The following CLIC5 variants were observed in gnomAD, a reference collection of about 807,000 sequenced individuals.
CLIC5 encodes chloride intracellular channel protein 5.
In CLIC5, 20 loss-of-function variants were observed where a neutral mutation model predicts 24.7. The observed-to-expected ratio is 0.81, with a 90% CI of 0.57 to 1.18. CLIC5 has a LOEUF of 1.18. Among genes scored for constraint, CLIC5 ranks in the 50% most tolerant of loss-of-function variants. CLIC5 has a pLI of 0.00. For missense variants in CLIC5, 341 were observed against 326.1 expected (o/e 1.05, Z -0.35); for synonymous variants, 159 against 135.6 (o/e 1.17, Z -1.20).
intron 2 of CLIC5, among the ~76,000 whole-genome samples, chr6:45,952,223 C>G (rs1414245104): frequency 2.0e-5 from 3 of 152,190 alleles, no homozygotes; most frequent in Admixed American, 6.5e-5. Context: ...GCCACCGACG[C>G]TTAGCTAGAG....
rs180983708 is a variant in CLIC5 at position 45,990,134 on chromosome 6, A to C, written c.63+25346T>G. Reference sequence around the variant, plus strand: ...GGTTGTTAGGACAATTAAATTATATAATTATTCAAATATTCTTTTTAGGCT... The same window carrying C: ...GGTTGTTAGGACAATTAAATTATATCATTATTCAAATATTCTTTTTAGGCT... On this transcript the variant is annotated intron_variant, in intron 1 of 5. Transcript: ENST00000339561. 9.1e-4 allele frequency among the ~76,000 whole-genome samples: 139 copies of C among 152,294 alleles called. 1 individual carries two copies. Among genetic ancestry groups the C allele is most frequent in the Non-Finnish European group, 1.7e-3 (113 of 68,030 alleles).
chr6:46,100,622 T>C, the CLIC5 span, among the ~76,000 whole-genome samples: 1 of 152,342 alleles, frequency 6.6e-6, no homozygotes, highest in Non-Finnish European at 1.5e-5. Context: ...ATGAACATCA[T>C]TGTATTCTAA....
intron 1 of CLIC5, among the ~76,000 whole-genome samples, chr6:45,994,217 A>T (rs2894658): frequency 0.59 from 89,470 of 151,732 alleles, 26,720 homozygotes; most frequent in East Asian, 0.77. Flanking sequence ...GTAGTGAATG[A>T]CATGAGTATT....
chr6:46,096,671 C>A, the CLIC5 span, among the ~76,000 whole-genome samples: 1 of 152,202 alleles, frequency 6.6e-6, no homozygotes, highest in African/African-American at 2.4e-5. Flanking sequence ...TGGCTGCAAG[C>A]TGCTTCTGGT....
chr6:45,994,568 T>C (rs551959135), intron 1 of CLIC5, among the ~76,000 whole-genome samples: 1 of 152,048 alleles, frequency 6.6e-6, no homozygotes, highest in Non-Finnish European at 1.5e-5. Flanking sequence ...TGTATACCTA[T>C]GGAACAAACC....
At chr6:46,040,316 T>G (rs1464035272) in intron 1 of CLIC5, among the ~76,000 whole-genome samples, 2 of 152,144 alleles carry the variant, frequency 1.3e-5, no homozygotes, top group Admixed American at 1.3e-4. Context: ...TTGTTGCTCA[T>G]AGTGTTAATA....
upstream of CLIC5, among the ~76,000 whole-genome samples, chr6:46,085,092 A>G (rs201242385): frequency 1.8e-4 from 27 of 147,874 alleles, no homozygotes; most frequent in South Asian, 8.6e-4. Flanking sequence ...TGCATTCTTC[A>G]CGTAGTTCTG....
chr6:45,914,654 A>G lies in CLIC5; in HGVS notation c.407-245T>C, dbSNP rs141560307. The G allele has an allele frequency of 1.6e-3, 991 of 637,374 alleles. 7 individuals are homozygous for G. In the African/African-American group the frequency reaches 0.017, roughly 11 times the overall value. 39.5% of individuals were successfully genotyped at this position (637,374 alleles called of 1,614,324 possible). A position where few individuals can be genotyped will look rare whatever the true frequency, so the allele number is the denominator to read the frequency against. On this transcript the variant is annotated intron_variant, in intron 4 of 5. Coordinates refer to ENST00000339561, the MANE Select transcript of CLIC5 (RefSeq NM_016929.5). Reference sequence around the variant, plus strand: ...TAATCTTTTGCTTTGAAAAAAATACATAAATATAGAAACACAGTCTGGGTG... The same window carrying G: ...TAATCTTTTGCTTTGAAAAAAATACGTAAATATAGAAACACAGTCTGGGTG...
chr6:46,064,606 G>C (rs9369595), intron 1 of CLIC5, among the ~76,000 whole-genome samples: 58,950 of 151,886 alleles, frequency 0.39, 11,639 homozygotes, highest in East Asian at 0.62. Context: ...CAAAATTGTA[G>C]CAAGTCAAAT....
intron 6 of CLIC5, among the ~76,000 whole-genome samples, chr6:45,885,050 C>T (rs562350881): frequency 5.7e-5 from 8 of 140,032 alleles, no homozygotes; most frequent in South Asian, 2.4e-4. Flanking sequence ...TGAGAGACTC[C>T]CCACCCTACC....
chr6:45,941,549 G>C lies in CLIC5; in HGVS notation c.404C>G (p.Ala135Gly), dbSNP rs1449563489. 6.2e-7 allele frequency: 1 copy of C among 1,609,598 alleles called. No individual in the cohort carries two copies. Among genetic ancestry groups the C allele is most frequent in the African/African-American group, 1.3e-5 (1 of 74,808 alleles). The change falls in exon 4 of 6, where the codon GCT becomes GGT. Residue 135 changes from alanine (A) to glycine (G), a missense_variant and splice_region_variant. Physicochemically the swap from Ala to Gly is moderately conservative, Grantham distance 60. Coordinates refer to ENST00000339561, the MANE Select transcript of CLIC5 (RefSeq NM_016929.5). ...YIKNTKQQNN[A>G]ALERGLTKAL... ...CTTGGTGGAAGGGAGTCACTCACCA[G>C]CATTGTTCTGCTGCTTGGTATTTTT...
chr6:46,030,821 C>T (rs1162663325), intron 1 of CLIC5, among the ~76,000 whole-genome samples: 1 of 152,226 alleles, frequency 6.6e-6, no homozygotes, highest in Non-Finnish European at 1.5e-5. Flanking sequence ...GTGCAAACCT[C>T]TACTCTTGCT....
At chr6:45,918,453 A>G (rs1482685956) in intron 4 of CLIC5, among the ~76,000 whole-genome samples, 1 of 152,254 alleles carries the variant, frequency 6.6e-6, no homozygotes, top group South Asian at 2.1e-4. Context: ...AACTCAGTGC[A>G]GCACAGGTCC....
At chr6:46,116,746 G>A in the CLIC5 span, among the ~76,000 whole-genome samples, 1 of 152,184 alleles carries the variant, frequency 6.6e-6, no homozygotes. Context: ...GTAGGTGCCT[G>A]GTTGCTTAAA....
intron 1 of CLIC5, among the ~76,000 whole-genome samples, chr6:45,998,276 T>G (rs1366740640): frequency 6.6e-6 from 1 of 152,186 alleles, no homozygotes; most frequent in African/African-American, 2.4e-5. Context: ...CATAGGCAGG[T>G]GGCTATGTCC....
intron 1 of CLIC5, among the ~76,000 whole-genome samples, chr6:46,001,282 CT>C (rs1473801040): frequency 6.6e-6 from 1 of 152,130 alleles, no homozygotes; most frequent in Non-Finnish European, 1.5e-5. Flanking sequence ...TGGTGTCCCC[CT>C]ATCACCTGCT....
At position 45,949,243 on chromosome 6, in the gene CLIC5, A is replaced by G. The variant is rs1301778821; in HGVS notation, c.299+13T>C. ...TTCCCATTCAACAGCCCCAGAAAGA[A>G]ACAGATCCTTACTTTTCAGGGGTCA... On this transcript the variant is annotated intron_variant, in intron 3 of 5. Coordinates refer to ENST00000339561, the MANE Select transcript of CLIC5 (RefSeq NM_016929.5). 2 of 1,611,570 alleles carry G rather than the reference A, an allele frequency of 1.2e-6. No individual in the cohort carries two copies. The highest frequency in any genetic ancestry group is 3.3e-5 in the Admixed American group (2 of 59,898).
At chr6:46,055,855 G>A (rs1768233408) in intron 1 of CLIC5, among the ~76,000 whole-genome samples, 2 of 152,198 alleles carry the variant, frequency 1.3e-5, no homozygotes, top group African/African-American at 4.8e-5. Context: ...ACTGTATGAT[G>A]CCCTTTGTAT....
chr6:46,002,635 C>T (rs947739869), intron 1 of CLIC5, among the ~76,000 whole-genome samples: 3 of 152,166 alleles, frequency 2.0e-5, no homozygotes, highest in Admixed American at 6.5e-5. Context: ...ATAGGTAGCC[C>T]ATTACAAGTA....
Sources: gnomAD v4.1 joint callset for allele counts (sites outside exome capture counted in the v4.1 genomes callset) on GRCh38, gnomAD v4.1.1 for gene constraint, MANE v1.5 for transcripts, NCBI Gene and HGNC (gene_info 2026-07-23, HGNC 2026-07-21) for gene names.